Variants in ADAMTS2 observed in about 807,000 individuals in gnomAD.
ADAMTS2 encodes A disintegrin and metalloproteinase with thrombospondin motifs 2.
A neutral mutation model predicts 123.0 loss-of-function variants in ADAMTS2; 50 were observed. The observed-to-expected ratio is 0.41, with a 90% CI of 0.32 to 0.51. The LOEUF is 0.51. Among genes scored for constraint, ADAMTS2 ranks in the 20% least tolerant of loss-of-function variants. The pLI is 0.35. For missense variants in ADAMTS2, 1,494 were observed against 1,705.2 expected, an observed-to-expected ratio of 0.88 and a Z score of 2.18; for synonymous variants, 678 against 695.4, an observed-to-expected ratio of 0.98 and a Z score of 0.39.
In ADAMTS2 at chr5:179,115,247, T is replaced by C. The variant is rs1199848162; in HGVS notation, c.3179-923A>G. 6.6e-6 allele frequency among the ~76,000 whole-genome samples: 1 copy of C among 152,114 alleles called. No homozygotes were observed. The highest frequency in any genetic ancestry group is 1.9e-4 in the East Asian group (1 of 5,192). ...ATCTCGACCTCTGTCTGCGGCTATG[T>C]TCATTCAACCCATCAACTCTTCTTG... On this transcript the variant is annotated intron_variant, in intron 21 of 21. Coordinates refer to ENST00000251582, the MANE Select transcript of ADAMTS2 (RefSeq NM_014244.5). This position sits in a 1 kb window ranked among gnomAD's most constrained non-coding sequence, Gnocchi z 4.4.
chr5:179,259,472 G>A (rs1246911684), intron 3 of ADAMTS2, among the ~76,000 whole-genome samples: 6 of 152,214 alleles, frequency 3.9e-5, no homozygotes, highest in Non-Finnish European at 8.8e-5. Flanking sequence ...GAGAGGAAGG[G>A]GAGCAGCCCT....
chr5:179,284,583 C>T (rs964162754), intron 2 of ADAMTS2, among the ~76,000 whole-genome samples: 5 of 152,136 alleles, frequency 3.3e-5, no homozygotes, highest in South Asian at 2.1e-4. Flanking sequence ...GACGGGGTTT[C>T]GCCATGTTGG....
chr5:179,151,735 A>G (rs577596844), intron 10 of ADAMTS2, among the ~76,000 whole-genome samples: 1 of 152,242 alleles, frequency 6.6e-6, no homozygotes, highest in Non-Finnish European at 1.5e-5. Context: ...AGTGTGCCCA[A>G]CAAGGGACAA....
chr5:179,275,135 G>A (rs529644196), intron 2 of ADAMTS2, among the ~76,000 whole-genome samples: 1 of 152,118 alleles, frequency 6.6e-6, no homozygotes. Flanking sequence ...AGGGCTTCTG[G>A]GGGGAGCCTT....
At position 179,137,797 on chromosome 5, in the gene ADAMTS2, G is replaced by T; in HGVS notation, c.1923C>A (p.His641Gln). The part of the protein sequence containing the change: ...DLYFEHGDAQ[H>Q]HWLPHEHRDA... The stretch of plus-strand genomic sequence containing the variant: ...CCCGGTGCTCGTGGGGCAGCCAGTG[G>T]TGCTGGGCGTCGCCGTGCTCGAAGT... Residue 641 changes from histidine (H) to glutamine (Q), a missense_variant, in exon 12 of 22, where the codon CAC becomes CAA. Physicochemically the swap from His to Gln is conservative, Grantham distance 24. Transcript: ENST00000251582. The T allele has an allele frequency of 6.3e-7, 1 of 1,579,142 alleles. No individual in the cohort carries two copies.
chr5:179,212,980 A>C (rs1466200238), intron 3 of ADAMTS2, among the ~76,000 whole-genome samples: 1 of 152,128 alleles, frequency 6.6e-6, no homozygotes, highest in Non-Finnish European at 1.5e-5. Context: ...ACCCAGAAGG[A>C]AGGGAGCCCG....
In ADAMTS2 at chr5:179,132,432, G is replaced by GT. The variant is rs564647880; in HGVS notation, c.2210-123dup. On this transcript the variant is annotated intron_variant, in intron 14 of 21. Coordinates refer to ENST00000251582, the MANE Select transcript of ADAMTS2 (RefSeq NM_014244.5). The surrounding 1 kb of genome is among the most constrained non-coding windows in gnomAD (Gnocchi z 6.1). ...CTCCGGAGGCTCTCCCAGGACCCTG[G>GT]TATTTCTCTGGCTTTGAGGACCCAC... 1.7e-5 allele frequency: 17 copies of GT among 1,013,208 alleles called. No individual in the cohort carries two copies. In the East Asian group the frequency reaches 3.9e-4, roughly 23 times the overall value. The allele number at this position is 1,013,208 out of a possible 1,614,324, so 62.8% of individuals were successfully genotyped here. A position where few individuals can be genotyped will look rare whatever the true frequency, so the allele number is the denominator to read the frequency against.
chr5:179,115,239 C>G lies in ADAMTS2; in HGVS notation c.3179-915G>C, dbSNP rs1021199930. ...CCTGGCCCATCTCGACCTCTGTCTG[C>G]GGCTATGTTCATTCAACCCATCAAC... On this transcript the variant is annotated intron_variant, in intron 21 of 21. Coordinates refer to ENST00000251582, the MANE Select transcript of ADAMTS2 (RefSeq NM_014244.5). The surrounding 1 kb of genome is among the most constrained non-coding windows in gnomAD (Gnocchi z 4.4). 2.0e-5 allele frequency among the ~76,000 whole-genome samples: 3 copies of G among 152,132 alleles called. No individual in the cohort carries two copies. Among genetic ancestry groups the G allele is most frequent in the Admixed American group, 1.3e-4 (2 of 15,260 alleles).
intron 4 of ADAMTS2, among the ~76,000 whole-genome samples, chr5:179,205,062 G>A (rs778845072): frequency 1.3e-5 from 2 of 152,172 alleles, no homozygotes; most frequent in African/African-American, 2.4e-5. Flanking sequence ...TTCTAGAAAC[G>A]AACCTTCCCA....
At chr5:179,163,316 T>A (rs1488783431) in intron 5 of ADAMTS2, among the ~76,000 whole-genome samples, 1 of 152,084 alleles carries the variant, frequency 6.6e-6, no homozygotes, top group Non-Finnish European at 1.5e-5. Flanking sequence ...CCTATTAGAA[T>A]AGAGTGGGGG....
chr5:179,328,129 TTCACGCCATTC>T (rs1476860364), intron 2 of ADAMTS2, among the ~76,000 whole-genome samples: 2 of 152,266 alleles, frequency 1.3e-5, no homozygotes, highest in South Asian at 2.1e-4. Context: ...GCCTCCCGGG[TTCACGCCATTC>T]TCCTGCCTCA....
At chr5:179,150,193 C>T (rs1251067328) in intron 10 of ADAMTS2, among the ~76,000 whole-genome samples, 1 of 152,192 alleles carries the variant, frequency 6.6e-6, no homozygotes, top group Non-Finnish European at 1.5e-5. Context: ...CCTCTGCCTC[C>T]TCCCTGCCTG....
chr5:179,207,830 G>T (rs1381360044), intron 3 of ADAMTS2, 115 bp from the exon 4 acceptor site: 4 of 913,220 alleles, frequency 4.4e-6, no homozygotes, highest in South Asian at 4.2e-5. Context: ...TGAACCGAGG[G>T]TATTATTCCA....
At chr5:179,267,156 G>T (rs554284904) in intron 3 of ADAMTS2, among the ~76,000 whole-genome samples, 1 of 152,030 alleles carries the variant, frequency 6.6e-6, no homozygotes, top group East Asian at 1.9e-4. Context: ...GATCCCCTGC[G>T]GCCTGGAAAA....
intron 10 of ADAMTS2, among the ~76,000 whole-genome samples, chr5:179,144,796 C>T (rs527721314): frequency 1.3e-5 from 2 of 152,314 alleles, no homozygotes; most frequent in South Asian, 4.1e-4. Flanking sequence ...GAGAATAAAA[C>T]ATAGGAGTAA....
At chr5:179,168,444 G>A (rs1763752110) in intron 5 of ADAMTS2, among the ~76,000 whole-genome samples, 1 of 152,186 alleles carries the variant, frequency 6.6e-6, no homozygotes, top group Non-Finnish European at 1.5e-5. Flanking sequence ...TCGCCCCCTG[G>A]AGCCAGGGTC....
Position 179,130,204 on chromosome 5 carries a change from G to A in ADAMTS2, c.2291-106C>T, listed in dbSNP as rs1762934268. Reference sequence around the variant, plus strand: ...GTGGGGGCAGCTAGCTGGACCCCTTGTCTCTCTGGCTGCCCCCGGCCAGTT... The same window carrying A: ...GTGGGGGCAGCTAGCTGGACCCCTTATCTCTCTGGCTGCCCCCGGCCAGTT... On this transcript the variant is annotated intron_variant, in intron 15 of 21. Coordinates refer to ENST00000251582, the MANE Select transcript of ADAMTS2 (RefSeq NM_014244.5). The surrounding 1 kb of genome is among the most constrained non-coding windows in gnomAD (Gnocchi z 4.3). 2 of 1,421,230 alleles carry A rather than the reference G, an allele frequency of 1.4e-6. No homozygotes were observed. The highest frequency in any genetic ancestry group is 2.8e-5 in the African/African-American group (2 of 71,032). 88.0% of individuals were successfully genotyped at this position (1,421,230 alleles called of 1,614,324 possible). A position where few individuals can be genotyped will look rare whatever the true frequency, so the allele number is the denominator to read the frequency against.
In ADAMTS2 at chr5:179,272,764, G is replaced by A. The variant is rs1208852324; in HGVS notation, c.688+147C>T. 2.2e-5 allele frequency: 23 copies of A among 1,046,098 alleles called. No homozygotes were observed. Among genetic ancestry groups the A allele is most frequent in the Non-Finnish European group, 3.0e-5 (22 of 735,978 alleles). 64.8% of individuals were successfully genotyped at this position (1,046,098 alleles called of 1,614,324 possible). On this transcript the variant is annotated intron_variant, in intron 3 of 21. Coordinates refer to ENST00000251582, the MANE Select transcript of ADAMTS2 (RefSeq NM_014244.5). The surrounding 1 kb of genome is among the most constrained non-coding windows in gnomAD (Gnocchi z 5.8). ...ACGCCCTGCCGTCAGCCAGGCAGCT[G>A]GCCCATTTCTGAGCCACTGAGACCG...
At chr5:179,266,749 C>T (rs1324452953) in intron 3 of ADAMTS2, among the ~76,000 whole-genome samples, 1 of 152,186 alleles carries the variant, frequency 6.6e-6, no homozygotes, top group Non-Finnish European at 1.5e-5. Flanking sequence ...AAGCACACGG[C>T]CCTCCTGCCC....
Sources: gnomAD v4.1 joint callset for allele counts (sites outside exome capture counted in the v4.1 genomes callset) on GRCh38, gnomAD v4.1.1 for gene constraint, Gnocchi (gnomAD v3.1) non-coding constraint, MANE v1.5 for transcripts, NCBI Gene and HGNC (gene_info 2026-07-23, HGNC 2026-07-21) for gene names.